Variants in AHCY observed in about 807,000 individuals in gnomAD.
AHCY encodes S-adenosyl-L-homocysteine hydrolase.
AHCY carries 24 observed loss-of-function variants against 45.4 expected under a neutral mutation model. The ratio of observed to expected loss-of-function variants is 0.53; its 90% confidence interval spans 0.38 to 0.74. AHCY has a LOEUF of 0.74. Ranked by LOEUF, AHCY falls within the 30% of genes least tolerant of loss-of-function variation. The probability of loss-of-function intolerance (pLI) is 0.00; values close to 1 mark genes in which losing one functional copy is unlikely to be tolerated. For missense variants in AHCY, 449 were observed against 594.1 expected (o/e 0.76, Z 2.54); for synonymous variants, 245 against 235.1 (o/e 1.04, Z -0.39).
chr20:34,303,320 T>C lies in AHCY; in HGVS notation c.-50A>G, dbSNP rs199791897. The C allele has an allele frequency of 2.8e-5, 43 of 1,551,360 alleles. No individual in the cohort carries two copies. Among genetic ancestry groups the C allele is most frequent in the Admixed American group, 7.8e-5 (4 of 50,992 alleles). ...GGGCGAAGGGGGCTGGGCCTCAGTC[T>C]GGGAACAGGAACTGGGCGGGCAGCG... On this transcript the variant is annotated 5_prime_UTR_variant, in exon 1 of 10. Coordinates refer to ENST00000217426, the MANE Select transcript of AHCY (RefSeq NM_000687.4).
chr20:34,291,511 C>A lies in AHCY; in HGVS notation c.466G>T (p.Glu156Ter). 6.2e-7 allele frequency: 1 copy of A among 1,614,144 alleles called. No homozygotes were observed. The highest frequency in any genetic ancestry group is 8.5e-7 in the Non-Finnish European group (1 of 1,180,006). ...AGGTTGTGGACCCCAGTCGTGGTCTCCTCAGAGATGCCTCGGATGCCTAAA... is the reference window on the plus strand; with the variant it reads ...AGGTTGTGGACCCCAGTCGTGGTCTACTCAGAGATGCCTCGGATGCCTAAA... The part of the protein sequence containing the change: ...LLPGIRGISE[E>*]TTTGVHNLYK... Residue 156 changes from glutamate (E) to a stop codon, truncating the protein, a stop_gained, in exon 5 of 10, where the codon GAG (glutamate) becomes TAG (stop). Transcript: ENST00000217426. LOFTEE classifies it high-confidence loss of function.
At chr20:34,268,444 G>T in the AHCY span, among the ~76,000 whole-genome samples, 1 of 152,178 alleles carries the variant, frequency 6.6e-6, no homozygotes, top group Non-Finnish European at 1.5e-5. Flanking sequence ...TAGGCCGGGC[G>T]CGGTGGCTCA....
At chr20:34,244,901 A>G in the AHCY span, among the ~76,000 whole-genome samples, 1 of 152,246 alleles carries the variant, frequency 6.6e-6, no homozygotes, top group African/African-American at 2.4e-5. Flanking sequence ...TGTCACATCA[A>G]TGAAGCAAGG....
chr20:34,292,456 T>G lies in AHCY; in HGVS notation c.347A>C (p.Gln116Pro). ...GGGCCCGTCCTTGAAGTACAGGGTC[T>G]GCTCAATGCACCACAGGTACTCCTC... is the stretch of plus-strand genomic sequence containing the variant. Reference protein sequence around the residue: ...TDEEYLWCIEQTLYFKDGPLN... With the variant: ...TDEEYLWCIEPTLYFKDGPLN... Residue 116 changes from glutamine (Q) to proline (P), a missense_variant, in exon 4 of 10, where the codon CAG (glutamine) becomes CCG (proline). Physicochemically the swap from Gln to Pro is moderately conservative, Grantham distance 76. Transcript: ENST00000217426. 1 of 1,614,144 alleles carries G rather than the reference T, an allele frequency of 6.2e-7. No homozygotes were observed. The highest frequency in any genetic ancestry group is 8.5e-7 in the Non-Finnish European group (1 of 1,180,050).
the AHCY span, chr20:34,234,783 C>A: frequency 7.2e-5 from 11 of 152,312 alleles, no homozygotes; most frequent in Non-Finnish European, 1.6e-4. Flanking sequence ...CACTGTACTC[C>A]AGCCTGGGTG....
At chr20:34,269,116 C>A in the AHCY span, 1 of 1,560,454 alleles carries the variant, frequency 6.4e-7, no homozygotes, top group Non-Finnish European at 8.7e-7. Context: ...CCTGCCAGTG[C>A]CGCTTCTTCC....
the AHCY span, among the ~76,000 whole-genome samples, chr20:34,240,361 ACT>A: frequency 6.6e-6 from 1 of 152,038 alleles, no homozygotes; most frequent in Non-Finnish European, 1.5e-5. Flanking sequence ...TGGTCCCTAG[ACT>A]CTGATTTAGT....
chr20:34,233,456 A>G, the AHCY span, among the ~76,000 whole-genome samples: 2 of 152,062 alleles, frequency 1.3e-5, no homozygotes, highest in Admixed American at 6.6e-5. Flanking sequence ...CCACATGGAT[A>G]AACTTTGAAA....
At chr20:34,262,657 G>A in the AHCY span, among the ~76,000 whole-genome samples, 1 of 152,172 alleles carries the variant, frequency 6.6e-6, no homozygotes. Flanking sequence ...CTCCAGGTCA[G>A]TAGCCGGGCT....
chr20:34,309,478 A>G (rs2036927003), intron 1 of AHCY, among the ~76,000 whole-genome samples: 1 of 152,164 alleles, frequency 6.6e-6, no homozygotes, highest in African/African-American at 2.4e-5. Context: ...CCCGAGCAAT[A>G]TATTAACAGC....
At chr20:34,279,029 A>C (rs2035937728), downstream of AHCY, among the ~76,000 whole-genome samples, 1 of 141,656 alleles carries the variant, frequency 7.1e-6, no homozygotes, top group African/African-American at 2.6e-5. Context: ...GAATTGCTTG[A>C]ACTCAGGAGG....
upstream of AHCY, among the ~76,000 whole-genome samples, chr20:34,307,603 C>G (rs2036909207): frequency 6.6e-6 from 1 of 152,158 alleles, no homozygotes; most frequent in South Asian, 2.1e-4. Flanking sequence ...AACTCCTGAC[C>G]TCGGGTGATC....
At chr20:34,232,157 T>C in the AHCY span, among the ~76,000 whole-genome samples, 1 of 152,212 alleles carries the variant, frequency 6.6e-6, no homozygotes, top group Admixed American at 6.5e-5. Context: ...CCACATTTTA[T>C]AGAAAGCAGT....
chr20:34,235,850 A>AAAGG, the AHCY span, among the ~76,000 whole-genome samples: 1 of 46,668 alleles, frequency 2.1e-5, no homozygotes, highest in East Asian at 6.8e-4. Flanking sequence ...AGAAGGAAGG[A>AAAGG]AGGAAGGAAG....
At chr20:34,292,554 C>G in intron 3 of AHCY, 47 bp from the exon 4 acceptor site, 1 of 1,612,992 alleles carries the variant, frequency 6.2e-7, no homozygotes. Flanking sequence ...CAACTGGTAC[C>G]TGCTCCAGGG....
chr20:34,298,023 C>T (rs1036829679), intron 1 of AHCY, among the ~76,000 whole-genome samples: 2 of 152,052 alleles, frequency 1.3e-5, no homozygotes, highest in African/African-American at 4.8e-5. Flanking sequence ...CCTGTAATCC[C>T]AGCTACTCAG....
chr20:34,236,121 G>A, the AHCY span, among the ~76,000 whole-genome samples: 1 of 148,752 alleles, frequency 6.7e-6, no homozygotes. Context: ...AAGGAAAGGA[G>A]TGGAAAGGAA....
the AHCY span, among the ~76,000 whole-genome samples, chr20:34,242,417 G>A: frequency 6.6e-6 from 1 of 152,068 alleles, no homozygotes; most frequent in Non-Finnish European, 1.5e-5. Context: ...ATTTTTAGTA[G>A]AGACAGGGTT....
In AHCY at chr20:34,292,481, C is replaced by T. The variant is rs1180386561; in HGVS notation, c.322G>A (p.Glu108Lys). 6.8e-6 allele frequency: 11 copies of T among 1,614,024 alleles called. No homozygotes were observed. The highest frequency in any genetic ancestry group is 9.3e-6 in the Non-Finnish European group (11 of 1,180,040). Reference sequence around the variant, plus strand: ...TGCTCAATGCACCACAGGTACTCCTCGTCCGTTTCGCCCTTCCAGGCATAC... The same window carrying T: ...TGCTCAATGCACCACAGGTACTCCTTGTCCGTTTCGCCCTTCCAGGCATAC... ...PVYAWKGETD[E>K]EYLWCIEQTL... Residue 108 changes from glutamate to lysine, a missense_variant, in exon 4 of 10, where the codon GAG becomes AAG. Glu to Lys is a moderately conservative substitution (Grantham distance 56). Transcript: ENST00000217426.
Sources: gnomAD v4.1 joint callset for allele counts (sites outside exome capture counted in the v4.1 genomes callset) on GRCh38, gnomAD v4.1.1 for gene constraint, MANE v1.5 for transcripts, NCBI Gene and HGNC (gene_info 2026-07-23, HGNC 2026-07-21) for gene names.